The following ADCY8 variants were observed in gnomAD, a reference collection of about 807,000 sequenced individuals.
ADCY8 encodes the protein adenylate cyclase type 8.
In ADCY8, 51 loss-of-function variants were observed where a neutral mutation model predicts 119.7. The observed-to-expected ratio is 0.43, with a 90% CI of 0.34 to 0.54. The LOEUF is 0.54. ADCY8 is among the 20% of genes least tolerant of loss of function. The pLI is 0.03. For synonymous variants in ADCY8, 665 were observed against 651.0 expected, an observed-to-expected ratio of 1.02 and a Z score of -0.33; for missense variants, 1,383 against 1,598.8, an observed-to-expected ratio of 0.87 and a Z score of 2.30.
At chr8:130,904,714 C>T (rs1176537467) in intron 6 of ADCY8, among the ~76,000 whole-genome samples, 2 of 152,150 alleles carry the variant, frequency 1.3e-5, no homozygotes, top group Non-Finnish European at 1.5e-5. Context: ...AGTGAAGTGA[C>T]TCATGGCTGC....
At chr8:130,949,753 T>C (rs1386768573) in intron 3 of ADCY8, 1 of 152,252 alleles carries the variant, frequency 6.6e-6, no homozygotes, top group Non-Finnish European at 1.5e-5. Flanking sequence ...TATGATCTCT[T>C]GGCATTTGTG....
At chr8:130,941,149 C>T (rs768159209) in intron 4 of ADCY8, among the ~76,000 whole-genome samples, 4 of 152,122 alleles carry the variant, frequency 2.6e-5, no homozygotes, top group South Asian at 4.1e-4. Flanking sequence ...GTAAGTAGTA[C>T]GTGAATATAT....
chr8:130,841,514 G>C (rs563333236), intron 11 of ADCY8, among the ~76,000 whole-genome samples: 1 of 152,282 alleles, frequency 6.6e-6, no homozygotes, highest in East Asian at 1.9e-4. Context: ...CACAATTGTT[G>C]ACTGAGAACC....
Position 130,920,437 on chromosome 8 carries a change from T to C in ADCY8, c.1482-10571A>G, listed in dbSNP as rs984987515. On this transcript the variant is annotated intron_variant, in intron 5 of 17. Coordinates refer to ENST00000286355, the MANE Select transcript of ADCY8 (RefSeq NM_001115.3). Reference sequence around the variant, plus strand: ...CTGGTATTTCAAAGGGAAAGACAGCTGTGGTCACACTAGACTCCCCTGCCC... The same window carrying C: ...CTGGTATTTCAAAGGGAAAGACAGCCGTGGTCACACTAGACTCCCCTGCCC... Among the ~76,000 whole-genome samples, 3 of 152,218 alleles carry C rather than the reference T, an allele frequency of 2.0e-5. 1 individual carries two copies. Among genetic ancestry groups the C allele is most frequent in the East Asian group, 3.9e-4 (2 of 5,182 alleles).
At chr8:131,028,404 T>C (rs984845290) in intron 1 of ADCY8, among the ~76,000 whole-genome samples, 11 of 152,148 alleles carry the variant, frequency 7.2e-5, no homozygotes, top group Admixed American at 3.9e-4. Flanking sequence ...CATTGACCAC[T>C]TGGGGCCATG....
At chr8:131,020,247 G>A (rs78093435) in intron 1 of ADCY8, among the ~76,000 whole-genome samples, 2,029 of 152,184 alleles carry the variant, frequency 0.013, 44 homozygotes, top group East Asian at 0.09. Context: ...ATTGCACCCT[G>A]GTAACACTGT....
intron 2 of ADCY8, among the ~76,000 whole-genome samples, chr8:130,955,044 A>G (rs1821385234): frequency 6.6e-6 from 1 of 152,224 alleles, no homozygotes; most frequent in African/African-American, 2.4e-5. Flanking sequence ...AGAACATACT[A>G]CATGTCAGCT....
intron 2 of ADCY8, among the ~76,000 whole-genome samples, chr8:130,977,463 C>G (rs752846633): frequency 2.6e-5 from 4 of 152,088 alleles, no homozygotes; most frequent in Non-Finnish European, 4.4e-5. Flanking sequence ...ATTGGTTTCT[C>G]CCTTTACTTA....
chr8:131,008,436 C>A (rs1219425116), intron 1 of ADCY8, among the ~76,000 whole-genome samples: 1 of 152,138 alleles, frequency 6.6e-6, no homozygotes, highest in African/African-American at 2.4e-5. Context: ...TCTGGCATGT[C>A]CCCTGCTGGC....
intron 12 of ADCY8, 78 bp downstream of exon 12, chr8:130,836,199 G>T: frequency 7.0e-7 from 1 of 1,435,532 alleles, no homozygotes; most frequent in Non-Finnish European, 9.5e-7. Context: ...TAGTAATGCA[G>T]CGGGCATCAT....
intron 14 of ADCY8, 80 bp downstream of exon 14, chr8:130,813,989 C>T (rs1816256152): frequency 1.3e-6 from 2 of 1,539,038 alleles, no homozygotes; most frequent in Admixed American, 1.7e-5. Flanking sequence ...GAAATTCTCC[C>T]AGAGTTTGGG....
intron 13 of ADCY8, 75 bp from the exon 14 acceptor site, chr8:130,814,302 A>G: frequency 3.4e-6 from 5 of 1,469,436 alleles, no homozygotes; most frequent in Non-Finnish European, 3.7e-6. Context: ...GACAACTGGG[A>G]GGCAGGAAAG....
chr8:130,936,378 G>A (rs1259500053), intron 5 of ADCY8, among the ~76,000 whole-genome samples: 5 of 152,146 alleles, frequency 3.3e-5, no homozygotes, highest in African/African-American at 1.2e-4. Context: ...CAGCCTTCTA[G>A]TAATTTCCTA....
At chr8:130,782,153 A>C (rs1815101813) in intron 17 of ADCY8, among the ~76,000 whole-genome samples, 1 of 152,222 alleles carries the variant, frequency 6.6e-6, no homozygotes, top group Non-Finnish European at 1.5e-5. Flanking sequence ...AGCCATGCAG[A>C]TATCTCGGTA....
intron 5 of ADCY8, among the ~76,000 whole-genome samples, chr8:130,935,027 TAAG>T (rs1820742601): frequency 6.6e-6 from 1 of 152,164 alleles, no homozygotes; most frequent in Admixed American, 6.5e-5. Flanking sequence ...ATCAATGACA[TAAG>T]AAGACTGTGA....
chr8:131,034,148 C>A (rs1473751953), intron 1 of ADCY8, among the ~76,000 whole-genome samples: 1 of 151,896 alleles, frequency 6.6e-6, no homozygotes, highest in African/African-American at 2.4e-5. Flanking sequence ...TACCAACTAC[C>A]AAATTGGAAT....
intron 3 of ADCY8, among the ~76,000 whole-genome samples, chr8:130,949,321 C>A (rs1313549722): frequency 1.3e-5 from 2 of 152,098 alleles, no homozygotes; most frequent in Admixed American, 6.5e-5. Flanking sequence ...CCTTATTTTT[C>A]TTTTTAAAGG....
chr8:130,880,376 G>T (rs2130444538), intron 8 of ADCY8, among the ~76,000 whole-genome samples: 1 of 152,244 alleles, frequency 6.6e-6, no homozygotes, highest in East Asian at 1.9e-4. Flanking sequence ...TGGTGAAAAT[G>T]CATTCTTCTT....
chr8:130,817,201 G>C (rs1586444004), intron 13 of ADCY8, among the ~76,000 whole-genome samples: 1 of 152,266 alleles, frequency 6.6e-6, no homozygotes, highest in East Asian at 1.9e-4. Flanking sequence ...ATTAAAACTG[G>C]AATTTTGGGG....
Sources: allele counts gnomAD v4.1 joint callset (sites outside exome capture counted in the v4.1 genomes callset), GRCh38; gene constraint gnomAD v4.1.1; transcripts MANE v1.5; gene names NCBI Gene and HGNC (gene_info 2026-07-23, HGNC 2026-07-21).